The following PTRH1 variants were observed in gnomAD, a reference collection of about 807,000 sequenced individuals.
PTRH1 encodes the protein peptidyl-tRNA hydrolase.
PTRH1 carries 13 observed loss-of-function variants against 15.7 expected under a neutral mutation model. The ratio of observed to expected loss-of-function variants is 0.83; its 90% CI spans 0.54 to 1.31. The LOEUF (loss-of-function observed/expected upper bound fraction) is 1.31, where lower values mean the gene tolerates loss of function less well. Among genes scored for constraint, PTRH1 ranks in the 40% most tolerant of loss-of-function variants. The probability of loss-of-function intolerance (pLI) is 0.00; values close to 1 mark genes in which losing one functional copy is unlikely to be tolerated. For missense variants in PTRH1, 319 were observed against 296.2 expected, an observed-to-expected ratio of 1.08 and a Z score of -0.56; for synonymous variants, 139 against 136.7, an observed-to-expected ratio of 1.02 and a Z score of -0.12.
At chr9:127,713,770 G>A (rs1383238742), downstream of PTRH1, 7 of 1,401,508 alleles carry the variant, frequency 5.0e-6, no homozygotes, top group South Asian at 4.6e-5. Context: ...GCCTCCCAAA[G>A]TGCTGGGATT....
At chr9:127,702,052 G>A (rs1373320642) in intron 1 of PTRH1, among the ~76,000 whole-genome samples, 5 of 151,562 alleles carry the variant, frequency 3.3e-5, no homozygotes, top group East Asian at 3.9e-4. Flanking sequence ...GGAGACCCCC[G>A]TCTCTAAAAA....
At chr9:127,711,136 C>A, downstream of PTRH1, 4 of 1,470,442 alleles carry the variant, frequency 2.7e-6, no homozygotes, top group African/African-American at 1.4e-5. Context: ...TGGTGTTTAA[C>A]AGCCCTAGGT....
chr9:127,707,090 G>A (rs1842658715), intron 1 of PTRH1: 3 of 1,613,922 alleles, frequency 1.9e-6, no homozygotes, highest in Admixed American at 1.7e-5. Context: ...AAGAAGAAAG[G>A]GGGCAAGAAG....
At chr9:127,713,594 C>A, downstream of PTRH1, 1 of 431,092 alleles carries the variant, frequency 2.3e-6, no homozygotes, top group East Asian at 4.7e-5. Flanking sequence ...GCAACCTCCG[C>A]CTCCCAGGTT....
chr9:127,709,269 A>G (rs1842710060), downstream of PTRH1, among the ~76,000 whole-genome samples: 1 of 152,206 alleles, frequency 6.6e-6, no homozygotes, highest in African/African-American at 2.4e-5. The surrounding 1 kb of genome is among the most constrained non-coding windows in gnomAD (Gnocchi z 4.7). Context: ...TGTCGGACCA[A>G]GGGGCATAGT....
chr9:127,700,810 C>G (rs990463086), intron 1 of PTRH1, among the ~76,000 whole-genome samples: 2 of 152,216 alleles, frequency 1.3e-5, no homozygotes, highest in Non-Finnish European at 2.9e-5. Context: ...GGCTGTGGGA[C>G]TGACCACCTG....
At chr9:127,710,291 A>AC (rs932723711), downstream of PTRH1, among the ~76,000 whole-genome samples, 2 of 151,742 alleles carry the variant, frequency 1.3e-5, no homozygotes, top group Non-Finnish European at 2.9e-5. Context: ...TCAAAAAAAA[A>AC]AAAAAAAACA....
In PTRH1 at chr9:127,694,999, G is replaced by A. The variant is rs758786516; in HGVS notation, c.348C>T (p.His116=). The change falls in exon 2 of 3, where the codon CAC becomes CAT. Residue 116 remains histidine, a synonymous_variant. Coordinates refer to the PTRH1 transcript ENST00000335223. The stretch of plus-strand genomic sequence containing the variant: ...GACTTTGTTCCCTCCTGTAGTGCCC[G>A]TGGAGGCGGGAAGCTGAGCCCGGCT... 9.4e-5 allele frequency: 66 copies of A among 702,832 alleles called. 1 individual carries two copies. The highest frequency in any genetic ancestry group is 7.3e-4 in the South Asian group (49 of 67,576). 43.5% of individuals were successfully genotyped at this position (702,832 alleles called of 1,614,324 possible). A position where few individuals can be genotyped will look rare whatever the true frequency, so the allele number is the denominator to read the frequency against.
chr9:127,698,076 A>G (rs1277661045), intron 1 of PTRH1, among the ~76,000 whole-genome samples: 2 of 152,024 alleles, frequency 1.3e-5, no homozygotes, highest in African/African-American at 4.8e-5. Context: ...AAGAACTCCT[A>G]TACTCAACAA....
Position 127,715,533 on chromosome 9 carries a change from A to G in PTRH1, c.96+11T>C. ...CCGGGAGCCCCTACGTCGCCGCCCCACGCCACTCACCATCCACCGCTTCCC... is the reference window on the plus strand; with the variant it reads ...CCGGGAGCCCCTACGTCGCCGCCCCGCGCCACTCACCATCCACCGCTTCCC... On this transcript the variant is annotated intron_variant, in intron 1 of 4. Transcript: ENST00000543175. The surrounding 1 kb of genome is among the most constrained non-coding windows in gnomAD (Gnocchi z 5.8). 6.2e-7 allele frequency: 1 copy of G among 1,613,314 alleles called. No homozygotes were observed. Among genetic ancestry groups the G allele is most frequent in the Non-Finnish European group, 8.5e-7 (1 of 1,180,008 alleles).
At chr9:127,710,890 C>T (rs1842751007), downstream of PTRH1, 1 of 985,262 alleles carries the variant, frequency 1.0e-6, no homozygotes, top group Non-Finnish European at 1.5e-6. Context: ...ACCTGCTACT[C>T]CTTGGAATCC....
intron 2 of PTRH1, 60 bp from the exon 3 acceptor site, chr9:127,714,762 C>T: frequency 7.1e-7 from 1 of 1,413,022 alleles, no homozygotes; most frequent in Non-Finnish European, 9.8e-7. Flanking sequence ...GGCACTGTCC[C>T]GACTCCCATG....
chr9:127,695,218 G>A (rs1380674448), intron 1 of PTRH1: 8 of 626,198 alleles, frequency 1.3e-5, no homozygotes, highest in Middle Eastern at 4.0e-4. Context: ...GATAAACTGT[G>A]TATTCACCCA....
downstream of PTRH1, chr9:127,712,016 TTCCGATC>T: frequency 6.5e-7 from 1 of 1,550,308 alleles, no homozygotes; most frequent in Non-Finnish European, 8.7e-7. Context: ...GCCCAGCTCT[TTCCGATC>T]CCACGACCCA....
intron 2 of PTRH1, among the ~76,000 whole-genome samples, chr9:127,694,195 C>A (rs1435855790): frequency 6.6e-6 from 1 of 152,048 alleles, no homozygotes; most frequent in Non-Finnish European, 1.5e-5. Flanking sequence ...GCCTCCCAAA[C>A]TGCTGGGATT....
intron 1 of PTRH1, among the ~76,000 whole-genome samples, chr9:127,698,497 G>A (rs1842579129): frequency 6.6e-6 from 1 of 152,046 alleles, no homozygotes; most frequent in African/African-American, 2.4e-5. Flanking sequence ...GCCAGCCTGG[G>A]CAACACAGTG....
chr9:127,701,648 C>T (rs909176714), intron 1 of PTRH1, among the ~76,000 whole-genome samples: 2 of 152,208 alleles, frequency 1.3e-5, no homozygotes, highest in Non-Finnish European at 1.5e-5. Flanking sequence ...AGCGGTGGCT[C>T]ACGCCTGTAA....
At chr9:127,706,940 C>A in intron 1 of PTRH1, 1 of 1,481,424 alleles carries the variant, frequency 6.8e-7, no homozygotes, top group East Asian at 2.3e-5. Context: ...AGCCCAGCCT[C>A]ACTCCCTCGG....
intron 1 of PTRH1, chr9:127,695,917 G>T (rs1490039738): frequency 6.6e-6 from 1 of 152,182 alleles, no homozygotes; most frequent in African/African-American, 2.4e-5. Context: ...GATAGTGACT[G>T]GCCATGGGGA....
Sources: allele counts gnomAD v4.1 joint callset (sites outside exome capture counted in the v4.1 genomes callset), GRCh38; gene constraint gnomAD v4.1.1; non-coding constraint Gnocchi (gnomAD v3.1); transcripts MANE v1.5; gene names NCBI Gene and HGNC (gene_info 2026-07-23, HGNC 2026-07-21).